ABCC1: variants seen among roughly 807,000 people sequenced by gnomAD.
ABCC1 encodes ATP binding cassette subfamily C member 1 (ABCC1 blood group).
Under a neutral mutation model 172.9 loss-of-function variants are expected in ABCC1, and 83 were observed. The ratio of observed to expected loss-of-function variants is 0.48; its 90% CI spans 0.40 to 0.58. The LOEUF is 0.58. Ranked by LOEUF, ABCC1 falls within the 20% of genes least tolerant of loss-of-function variation. The pLI is 0.00. For synonymous variants in ABCC1, 937 were observed against 825.2 expected, an observed-to-expected ratio of 1.14 and a Z score of -2.32; for missense variants, 1,817 against 2,002.7, an observed-to-expected ratio of 0.91 and a Z score of 1.77.
At chr16:16,062,905 G>A (rs147516635) in intron 12 of ABCC1, among the ~76,000 whole-genome samples, 4 of 152,180 alleles carry the variant, frequency 2.6e-5, no homozygotes, top group East Asian at 3.9e-4. Context: ...AAATAGCATC[G>A]CCAGGCAGCC....
At chr16:16,113,644 G>A (rs2044721184) in intron 22 of ABCC1, among the ~76,000 whole-genome samples, 1 of 152,152 alleles carries the variant, frequency 6.6e-6, no homozygotes, top group East Asian at 1.9e-4. Context: ...GACAGGATGA[G>A]AGAGACCCCA....
At chr16:16,036,016 C>T (rs1468349154) in intron 6 of ABCC1, among the ~76,000 whole-genome samples, 3 of 151,832 alleles carry the variant, frequency 2.0e-5, no homozygotes, top group Non-Finnish European at 4.4e-5. Flanking sequence ...CCCAGCTACT[C>T]GGGAGGTTGA....
chr16:16,007,998 T>C lies in ABCC1; in HGVS notation c.225+6T>C. On this transcript the variant is annotated splice_donor_region_variant and intron_variant, in intron 2 of 30. Transcript: ENST00000399410. ...CTCTCAACAAAACCAAAACTGTAAG[T>C]CACTGGGGGGTTTCGTTGTGGGGGG... 1.6e-6 allele frequency: 1 copy of C among 616,982 alleles called. No homozygotes were observed. The highest frequency in any genetic ancestry group is 2.7e-6 in the Non-Finnish European group (1 of 375,664). The allele number at this position is 616,982 out of a possible 1,614,324, so 38.2% of individuals were successfully genotyped here. A position where few individuals can be genotyped will look rare whatever the true frequency, so the allele number is the denominator to read the frequency against.
At chr16:15,966,651 C>CTTTTTTT (rs34159339) in intron 1 of ABCC1, among the ~76,000 whole-genome samples, 1 of 138,652 alleles carries the variant, frequency 7.2e-6, no homozygotes. Context: ...TTCTCTCTCT[C>CTTTTTTT]TTTTTTTTTT....
At chr16:15,997,636 G>T (rs908730950) in intron 1 of ABCC1, among the ~76,000 whole-genome samples, 3 of 152,006 alleles carry the variant, frequency 2.0e-5, no homozygotes, top group Non-Finnish European at 4.4e-5. Flanking sequence ...CCTGCAGACT[G>T]CCAGGGAATC....
intron 1 of ABCC1, among the ~76,000 whole-genome samples, chr16:16,004,925 A>G (rs1245958038): frequency 6.6e-6 from 1 of 151,964 alleles, no homozygotes; most frequent in African/African-American, 2.4e-5. Context: ...TAGGCCTCCC[A>G]AAGTGCTGGG....
At chr16:16,067,632 A>G (rs1375056872) in intron 12 of ABCC1, among the ~76,000 whole-genome samples, 2 of 152,198 alleles carry the variant, frequency 1.3e-5, no homozygotes, top group East Asian at 3.8e-4. Context: ...GGCAAAGTGT[A>G]TGGTTTTTAT....
intron 1 of ABCC1, among the ~76,000 whole-genome samples, chr16:16,006,502 G>C (rs889238780): frequency 2.6e-5 from 4 of 151,214 alleles, no homozygotes; most frequent in Non-Finnish European, 4.4e-5. Flanking sequence ...AGGTACATCT[G>C]ATCTATTTAT....
chr16:15,969,548 T>G (rs552641480), intron 1 of ABCC1, among the ~76,000 whole-genome samples: 85 of 152,202 alleles, frequency 5.6e-4, no homozygotes, highest in African/African-American at 2.0e-3. Flanking sequence ...ACTTTTTGTA[T>G]TTTTAGTAGA....
chr16:15,999,809 C>CCTCTCTCTCT (rs1555478343), intron 1 of ABCC1, among the ~76,000 whole-genome samples: 1 of 8,360 alleles, frequency 1.2e-4, no homozygotes, highest in Non-Finnish European at 3.1e-4. Flanking sequence ...CTCTCTCTCT[C>CCTCTCTCTCT]CTCTCTCTCT....
At chr16:16,096,736 A>G (rs1191260253) in intron 19 of ABCC1, among the ~76,000 whole-genome samples, 2 of 152,120 alleles carry the variant, frequency 1.3e-5, no homozygotes, top group Non-Finnish European at 1.5e-5. Flanking sequence ...GAGTAAAGGC[A>G]GTGTTGGTGG....
intron 1 of ABCC1, among the ~76,000 whole-genome samples, chr16:15,995,238 A>G (rs1434768084): frequency 6.6e-6 from 1 of 152,136 alleles, no homozygotes; most frequent in Non-Finnish European, 1.5e-5. Context: ...ATAGTACCTG[A>G]GTCCTAGAGT....
Position 16,052,934 on chromosome 16 carries a change from T to A in ABCC1, c.1473+118T>A, listed in dbSNP as rs2049494838. 3.3e-6 allele frequency: 3 copies of A among 907,618 alleles called. No homozygotes were observed. The Admixed American group carries it at 7.4e-5, about 22-fold the overall frequency. 56.2% of individuals were successfully genotyped at this position (907,618 alleles called of 1,614,324 possible). A position where few individuals can be genotyped will look rare whatever the true frequency, so the allele number is the denominator to read the frequency against. On this transcript the variant is annotated intron_variant, in intron 11 of 30. Coordinates refer to ENST00000399410, the MANE Select transcript of ABCC1 (RefSeq NM_004996.4). ...GGGGTTCTCAGCCTTGCCTGCCAGT[T>A]GGACTCACTTGGGGAGCCTTAACAA... is the stretch of plus-strand genomic sequence containing the variant.
intron 23 of ABCC1, among the ~76,000 whole-genome samples, chr16:16,117,021 C>CT (rs1241568297): frequency 6.6e-6 from 1 of 152,140 alleles, no homozygotes; most frequent in African/African-American, 2.4e-5. Flanking sequence ...GCGGATGGGA[C>CT]TGGGGGGGAT....
chr16:16,107,481 G>A (rs1440934611), intron 21 of ABCC1, among the ~76,000 whole-genome samples: 1 of 152,030 alleles, frequency 6.6e-6, no homozygotes, highest in Non-Finnish European at 1.5e-5. Flanking sequence ...GTAGAGACAG[G>A]GTTTCACCAT....
intron 1 of ABCC1, among the ~76,000 whole-genome samples, chr16:16,002,396 A>G (rs2047345903): frequency 6.6e-6 from 1 of 152,174 alleles, no homozygotes; most frequent in Admixed American, 6.6e-5. Context: ...GGCCATAGGG[A>G]ATGGAATGAG....
intron 19 of ABCC1, among the ~76,000 whole-genome samples, chr16:16,096,944 A>G (rs1567399530): frequency 2.6e-5 from 4 of 151,980 alleles, no homozygotes; most frequent in Non-Finnish European, 5.9e-5. Flanking sequence ...AACTCTTGCT[A>G]CTTTATAGCA....
At chr16:16,107,898 A>G (rs1170172759) in intron 21 of ABCC1, among the ~76,000 whole-genome samples, 2 of 151,758 alleles carry the variant, frequency 1.3e-5, no homozygotes, top group Non-Finnish European at 2.9e-5. Context: ...AACAAAAAAA[A>G]AAACATGAAA....
intron 14 of ABCC1, among the ~76,000 whole-genome samples, chr16:16,075,819 CAG>C (rs2050539026): frequency 6.6e-6 from 1 of 152,006 alleles, no homozygotes; most frequent in Non-Finnish European, 1.5e-5. Flanking sequence ...GGGAGGAAGA[CAG>C]AGGACCTGGG....
Sources: allele counts gnomAD v4.1 joint callset (sites outside exome capture counted in the v4.1 genomes callset), GRCh38; gene constraint gnomAD v4.1.1; transcripts MANE v1.5; gene names NCBI Gene and HGNC (gene_info 2026-07-23, HGNC 2026-07-21).